The following CRTC3 variants were observed in gnomAD, a reference collection of about 807,000 sequenced individuals.
CRTC3 encodes CREB-regulated transcription coactivator 3.
A neutral mutation model predicts 74.5 loss-of-function variants in CRTC3; 26 were observed. The ratio of observed to expected loss-of-function variants is 0.35; its 90% CI spans 0.26 to 0.48. The LOEUF is 0.48. CRTC3 is among the 20% of genes least tolerant of loss of function. The probability of loss-of-function intolerance (pLI) is 0.99; values close to 1 mark genes in which losing one functional copy is unlikely to be tolerated. For synonymous variants in CRTC3, 377 were observed against 325.8 expected, an observed-to-expected ratio of 1.16 and a Z score of -1.69; for missense variants, 760 against 787.3, an observed-to-expected ratio of 0.97 and a Z score of 0.41.
intron 6 of CRTC3, among the ~76,000 whole-genome samples, chr15:90,613,210 T>C (rs1025296898): frequency 1.5e-5 from 2 of 131,618 alleles, no homozygotes; most frequent in African/African-American, 5.6e-5. Context: ...AAAAAAAAAA[T>C]GTAGATTCCT....
chr15:90,631,343 A>C (rs1969031069), intron 11 of CRTC3, among the ~76,000 whole-genome samples: 1 of 152,038 alleles, frequency 6.6e-6, no homozygotes, highest in African/African-American at 2.4e-5. Flanking sequence ...GGCCCAAGTG[A>C]TCCTCCTGCC....
At chr15:90,565,662 C>G (rs1479276892) in intron 2 of CRTC3, among the ~76,000 whole-genome samples, 3 of 152,162 alleles carry the variant, frequency 2.0e-5, no homozygotes, top group Non-Finnish European at 1.5e-5. Flanking sequence ...GTAAATCTTG[C>G]AACATTTCAA....
intron 2 of CRTC3, among the ~76,000 whole-genome samples, chr15:90,568,917 G>T (rs1967188694): frequency 6.6e-6 from 1 of 151,944 alleles, no homozygotes; most frequent in African/African-American, 2.4e-5. Context: ...TTAAATTAAA[G>T]TGTATATATT....
At chr15:90,586,362 C>CTTTTT (rs55985691) in intron 2 of CRTC3, among the ~76,000 whole-genome samples, 52 of 81,212 alleles carry the variant, frequency 6.4e-4, no homozygotes, top group African/African-American at 8.5e-4. Context: ...GGTAGAACTT[C>CTTTTT]TTTTTTTTTT....
intron 8 of CRTC3, 72 bp downstream of exon 8, chr15:90,618,040 C>A (rs1188433947): frequency 1.0e-6 from 1 of 1,003,848 alleles, no homozygotes; most frequent in Non-Finnish European, 1.6e-6. Flanking sequence ...AAAAATCCTG[C>A]AGAGGTGAAA....
At chr15:90,597,416 A>G (rs1007188056) in intron 3 of CRTC3, among the ~76,000 whole-genome samples, 1 of 152,230 alleles carries the variant, frequency 6.6e-6, no homozygotes, top group Non-Finnish European at 1.5e-5. Context: ...CACCAGCGTG[A>G]AGGGTCGTGA....
intron 2 of CRTC3, among the ~76,000 whole-genome samples, chr15:90,567,684 G>T (rs1363951569): frequency 2.3e-5 from 1 of 43,214 alleles, no homozygotes; most frequent in Non-Finnish European, 7.3e-5. Context: ...GTGAAACTCC[G>T]TCTCAAAAAA....
chr15:90,603,102 A>G (rs1968118705), intron 4 of CRTC3, among the ~76,000 whole-genome samples: 1 of 152,220 alleles, frequency 6.6e-6, no homozygotes, highest in Admixed American at 6.5e-5. Flanking sequence ...GAATATATTT[A>G]CCAGCAGAAT....
In CRTC3 at chr15:90,644,688, TAGA is replaced by T. The variant is rs1969565039; in HGVS notation, c.*2551_*2553del. The T allele has an allele frequency of 4.3e-6, 1 of 232,398 alleles. No homozygotes were observed. The highest frequency in any genetic ancestry group is 8.5e-6 in the Non-Finnish European group (1 of 117,578). 14.4% of individuals were successfully genotyped at this position (232,398 alleles called of 1,614,324 possible). A position where few individuals can be genotyped will look rare whatever the true frequency, so the allele number is the denominator to read the frequency against. The stretch of plus-strand genomic sequence containing the variant: ...TGGGCATCGTACAACCCACTCTGCC[TAGA>T]AGGTGTGGAGGACTCACCACGGGCA... On this transcript the variant is annotated 3_prime_UTR_variant, in exon 15 of 15. Transcript: ENST00000268184.
intron 6 of CRTC3, among the ~76,000 whole-genome samples, chr15:90,613,052 T>A (rs1968400891): frequency 6.6e-6 from 1 of 151,718 alleles, no homozygotes; most frequent in African/African-American, 2.4e-5. Flanking sequence ...ATAGAAAAAT[T>A]AGCCGGGCCT....
intron 3 of CRTC3, chr15:90,599,254 T>C (rs983426086): frequency 3.3e-5 from 5 of 152,206 alleles, no homozygotes; most frequent in African/African-American, 9.7e-5. Context: ...GCCAAAGGCT[T>C]CACTAAGCTT....
chr15:90,589,851 G>A (rs577078168), intron 2 of CRTC3, among the ~76,000 whole-genome samples: 13 of 151,882 alleles, frequency 8.6e-5, no homozygotes, highest in South Asian at 2.1e-4. Context: ...GCCGGGTGTC[G>A]TGGCTTGTGC....
At chr15:90,584,579 G>A (rs576859413) in intron 2 of CRTC3, among the ~76,000 whole-genome samples, 22 of 152,266 alleles carry the variant, frequency 1.4e-4, no homozygotes, top group African/African-American at 4.6e-4. Context: ...TCATTATGTC[G>A]TCCAGGGTGG....
intron 1 of CRTC3, among the ~76,000 whole-genome samples, chr15:90,533,422 G>GAAA (rs11370876): frequency 2.9e-5 from 4 of 138,858 alleles, no homozygotes; most frequent in Non-Finnish European, 1.6e-5. Flanking sequence ...CTCCGCCTAG[G>GAAA]AAAAAAAAAA....
intron 8 of CRTC3, 78 bp downstream of exon 8, chr15:90,618,046 T>G (rs965332617): frequency 1.0e-4 from 95 of 927,016 alleles, no homozygotes; most frequent in Non-Finnish European, 1.7e-4. Flanking sequence ...CCTGCAGAGG[T>G]GAAAGCAAGA....
At chr15:90,622,870 TAAA>T (rs749147383) in intron 9 of CRTC3, among the ~76,000 whole-genome samples, 111 of 152,018 alleles carry the variant, frequency 7.3e-4, no homozygotes, top group Non-Finnish European at 1.3e-3. Context: ...CAAAATAAAA[TAAA>T]AAGACAAAAT....
At chr15:90,541,483 A>G (rs1179103127) in intron 2 of CRTC3, among the ~76,000 whole-genome samples, 1 of 152,222 alleles carries the variant, frequency 6.6e-6, no homozygotes. Context: ...TGTCTTCAAT[A>G]TAATGACAAT....
intron 9 of CRTC3, among the ~76,000 whole-genome samples, chr15:90,621,817 T>C (rs1968661692): frequency 2.0e-5 from 3 of 152,222 alleles, no homozygotes. Context: ...ACAGATAGAA[T>C]TCCATTCAGT....
At position 90,530,109 on chromosome 15, in the gene CRTC3, G is replaced by A. The variant is rs763114627; in HGVS notation, c.38G>A (p.Arg13Gln). The change falls in exon 1 of 15, where the codon CGG (arginine) becomes CAG (glutamine). Residue 13 changes from arginine to glutamine, a missense_variant. Arg to Gln is a conservative substitution (Grantham distance 43). Transcript: ENST00000268184. The surrounding 1 kb of genome is among the most constrained non-coding windows in gnomAD (Gnocchi z 6.2). ...CCGGGCTCGGGCAGCGCCAACCCGC[G>A]GAAGTTCAGTGAGAAGATCGCGCTG... ...ASPGSGSANP[R>Q]KFSEKIALHT... is the part of the protein sequence containing the mutation. The A allele has an allele frequency of 6.9e-7, 1 of 1,456,090 alleles. No homozygotes were observed. Among genetic ancestry groups the A allele is most frequent in the Non-Finnish European group, 9.2e-7 (1 of 1,089,058 alleles). The allele number at this position is 1,456,090 out of a possible 1,614,324, so 90.2% of individuals were successfully genotyped here. A position where few individuals can be genotyped will look rare whatever the true frequency, so the allele number is the denominator to read the frequency against.
Sources: gnomAD v4.1 joint callset for allele counts (sites outside exome capture counted in the v4.1 genomes callset) on GRCh38, gnomAD v4.1.1 for gene constraint, Gnocchi (gnomAD v3.1) non-coding constraint, MANE v1.5 for transcripts, NCBI Gene and HGNC (gene_info 2026-07-23, HGNC 2026-07-21) for gene names.